Variants in ARB2A observed in about 807,000 individuals in gnomAD.
The protein encoded by ARB2A is ARB2 cotranscriptional regulator A.
chr5:93,889,653 CTT>C, the ARB2A span, among the ~76,000 whole-genome samples: 85 of 151,900 alleles, frequency 5.6e-4, 1 homozygote, highest in South Asian at 6.4e-3. Flanking sequence ...GGCAAAAACT[CTT>C]TAAACAGATT....
chr5:94,012,581 A>G, the ARB2A span, among the ~76,000 whole-genome samples: 1 of 152,186 alleles, frequency 6.6e-6, no homozygotes, highest in Non-Finnish European at 1.5e-5. Context: ...TGCTGACCAA[A>G]GCCATGCTAA....
At chr5:93,854,544 T>C in the ARB2A span, among the ~76,000 whole-genome samples, 1 of 152,216 alleles carries the variant, frequency 6.6e-6, no homozygotes, top group African/African-American at 2.4e-5. Context: ...TTAATTGTGA[T>C]GTTAGGGTGT....
At chr5:93,661,814 G>A in the ARB2A span, among the ~76,000 whole-genome samples, 1 of 152,158 alleles carries the variant, frequency 6.6e-6, no homozygotes, top group Admixed American at 6.6e-5. Flanking sequence ...TTAAATGTGT[G>A]ACACCAAGAG....
chr5:93,834,626 T>C, the ARB2A span, among the ~76,000 whole-genome samples: 1 of 152,140 alleles, frequency 6.6e-6, no homozygotes, highest in African/African-American at 2.4e-5. Flanking sequence ...ATGTTAAACA[T>C]AGAAATTAAT....
chr5:94,053,112 G>GATAT, the ARB2A span: 12 of 1,422,700 alleles, frequency 8.4e-6, no homozygotes, highest in Admixed American at 2.1e-4. Flanking sequence ...TAGATAGATA[G>GATAT]ATAACCCACT....
chr5:93,965,944 TTC>T, the ARB2A span, among the ~76,000 whole-genome samples: 2 of 152,032 alleles, frequency 1.3e-5, no homozygotes, highest in African/African-American at 4.8e-5. Context: ...TAATGGTAAT[TTC>T]AAAAGCTATG....
chr5:93,970,756 A>G, the ARB2A span, among the ~76,000 whole-genome samples: 1 of 152,204 alleles, frequency 6.6e-6, no homozygotes, highest in Non-Finnish European at 1.5e-5. Flanking sequence ...AAATAATTAC[A>G]TATATCATGT....
the ARB2A span, among the ~76,000 whole-genome samples, chr5:93,798,601 A>G: frequency 6.6e-6 from 1 of 152,166 alleles, no homozygotes; most frequent in Non-Finnish European, 1.5e-5. Context: ...GTACCATCAC[A>G]TAGAAGAAAA....
the ARB2A span, among the ~76,000 whole-genome samples, chr5:93,685,999 C>CA: frequency 6.6e-6 from 1 of 152,070 alleles, no homozygotes; most frequent in Non-Finnish European, 1.5e-5. Flanking sequence ...ATAATAAAGG[C>CA]AAAAATGTAC....
the ARB2A span, among the ~76,000 whole-genome samples, chr5:93,916,289 G>T: frequency 1.3e-5 from 2 of 152,054 alleles, no homozygotes; most frequent in East Asian, 3.9e-4. Context: ...ATAACTAAGT[G>T]AGAAACAGAA....
the ARB2A span, among the ~76,000 whole-genome samples, chr5:93,704,171 A>AG: frequency 6.6e-6 from 1 of 152,204 alleles, no homozygotes; most frequent in Non-Finnish European, 1.5e-5. Context: ...GTTTTCTTAA[A>AG]GGTTTATTTT....
the ARB2A span, among the ~76,000 whole-genome samples, chr5:93,633,405 C>T: frequency 3.9e-5 from 6 of 152,298 alleles, no homozygotes; most frequent in South Asian, 1.2e-3. Flanking sequence ...TATCCAATGG[C>T]TCCTCATTAT....
chr5:94,006,638 A>G, the ARB2A span, among the ~76,000 whole-genome samples: 1 of 152,196 alleles, frequency 6.6e-6, no homozygotes, highest in African/African-American at 2.4e-5. Flanking sequence ...CAGATTTTAA[A>G]CTATATTTAT....
the ARB2A span, among the ~76,000 whole-genome samples, chr5:93,753,291 A>C: frequency 6.6e-6 from 1 of 152,242 alleles, no homozygotes; most frequent in African/African-American, 2.4e-5. Context: ...CAAAGAAGAG[A>C]TATAACTCCT....
the ARB2A span, among the ~76,000 whole-genome samples, chr5:94,035,133 G>A: frequency 1.3e-5 from 2 of 151,716 alleles, no homozygotes; most frequent in Non-Finnish European, 2.9e-5. Flanking sequence ...TTTGGAATCC[G>A]CCTTTTCTCC....
At chr5:93,953,824 C>T in the ARB2A span, among the ~76,000 whole-genome samples, 1 of 152,100 alleles carries the variant, frequency 6.6e-6, no homozygotes, top group African/African-American at 2.4e-5. Flanking sequence ...TTTGCTGTGG[C>T]TAAGCACCCG....
At chr5:93,907,692 G>C in the ARB2A span, among the ~76,000 whole-genome samples, 1 of 151,450 alleles carries the variant, frequency 6.6e-6, no homozygotes, top group South Asian at 2.1e-4. Context: ...GTGTTAAACT[G>C]TTATTTTAAA....
At chr5:93,825,404 T>C in the ARB2A span, among the ~76,000 whole-genome samples, 1 of 152,190 alleles carries the variant, frequency 6.6e-6, no homozygotes, top group Admixed American at 6.5e-5. Flanking sequence ...AGTTAGCCAT[T>C]TGTAAACTAC....
At chr5:93,918,024 T>C in the ARB2A span, among the ~76,000 whole-genome samples, 2 of 152,350 alleles carry the variant, frequency 1.3e-5, no homozygotes, top group South Asian at 4.1e-4. Flanking sequence ...GCCACATTTA[T>C]AGTTTTAACT....
Sources: allele counts gnomAD v4.1 joint callset (sites outside exome capture counted in the v4.1 genomes callset), GRCh38; gene constraint gnomAD v4.1.1; transcripts MANE v1.5; gene names NCBI Gene and HGNC (gene_info 2026-07-23, HGNC 2026-07-21).